The following GRIN2A variants were observed in gnomAD, a reference collection of about 807,000 sequenced individuals.
The protein encoded by GRIN2A is glutamate ionotropic receptor NMDA type subunit 2A.
In GRIN2A, 22 loss-of-function variants were observed where a neutral mutation model predicts 113.4. The ratio of observed to expected loss-of-function variants is 0.19; its 90% CI spans 0.14 to 0.28. The LOEUF (loss-of-function observed/expected upper bound fraction) is 0.28. Among genes scored for constraint, GRIN2A ranks in the 10% least tolerant of loss-of-function variants. The probability of loss-of-function intolerance (pLI) is 1.00; values close to 1 mark genes in which losing one functional copy is unlikely to be tolerated. For missense variants in GRIN2A, 1,502 were observed against 1,887.0 expected (o/e 0.80, Z 3.78); for synonymous variants, 827 against 738.4 (o/e 1.12, Z -1.94).
chr16:10,003,151 C>A (rs2141847430), intron 2 of GRIN2A, among the ~76,000 whole-genome samples: 1 of 152,288 alleles, frequency 6.6e-6, no homozygotes, highest in South Asian at 2.1e-4. Flanking sequence ...CTCCATCTGT[C>A]TTCCTACATG....
chr16:9,842,011 G>A (rs768415287), intron 5 of GRIN2A, among the ~76,000 whole-genome samples: 5 of 152,160 alleles, frequency 3.3e-5, no homozygotes, highest in Admixed American at 1.3e-4. Flanking sequence ...CAGCACTTTC[G>A]GAGGCTGTGG....
intron 10 of GRIN2A, among the ~76,000 whole-genome samples, chr16:9,803,802 C>A (rs1329054657): frequency 6.6e-6 from 1 of 152,140 alleles, no homozygotes; most frequent in African/African-American, 2.4e-5. Flanking sequence ...CAGTCTGACA[C>A]CAAAGACCAC....
intron 9 of GRIN2A, among the ~76,000 whole-genome samples, chr16:9,828,409 G>A (rs2042427253): frequency 6.6e-6 from 1 of 152,160 alleles, no homozygotes; most frequent in South Asian, 2.1e-4. Flanking sequence ...GTGTATCATG[G>A]ATAAGCTGTA....
chr16:9,773,186 T>C (rs573684217), intron 11 of GRIN2A, among the ~76,000 whole-genome samples: 3 of 152,376 alleles, frequency 2.0e-5, no homozygotes, highest in African/African-American at 7.2e-5. Flanking sequence ...CCATATTTTC[T>C]GTTTCTGTTT....
chr16:9,941,093 C>T (rs1042240977), intron 2 of GRIN2A, among the ~76,000 whole-genome samples: 2 of 152,208 alleles, frequency 1.3e-5, no homozygotes, highest in African/African-American at 4.8e-5. Flanking sequence ...GGTGGATCAG[C>T]ATCTTGCACT....
chr16:9,934,079 A>G (rs573160191), intron 3 of GRIN2A, among the ~76,000 whole-genome samples: 1 of 152,246 alleles, frequency 6.6e-6, no homozygotes, highest in Non-Finnish European at 1.5e-5. Flanking sequence ...CAGAACTTCT[A>G]CATTATCATT....
At chr16:10,031,215 A>T (rs2046922923) in intron 2 of GRIN2A, 1 of 152,170 alleles carries the variant, frequency 6.6e-6, no homozygotes. Context: ...CCTTCTCTGC[A>T]GCCACAATGA....
intron 2 of GRIN2A, among the ~76,000 whole-genome samples, chr16:10,082,904 A>G (rs553116240): frequency 6.6e-6 from 1 of 151,488 alleles, no homozygotes; most frequent in East Asian, 2.0e-4. Flanking sequence ...AAATAGAAAA[A>G]TCTTCAAAAC....
intron 2 of GRIN2A, among the ~76,000 whole-genome samples, chr16:9,982,673 T>C (rs1313621823): frequency 6.6e-6 from 1 of 152,230 alleles, no homozygotes; most frequent in Non-Finnish European, 1.5e-5. Context: ...TGCCCTGCAA[T>C]TAGTATCTTC....
At chr16:9,826,337 A>G (rs1171730713) in intron 9 of GRIN2A, among the ~76,000 whole-genome samples, 2 of 152,126 alleles carry the variant, frequency 1.3e-5, no homozygotes, top group Non-Finnish European at 2.9e-5. Context: ...AAGCATCCCT[A>G]TCAACATTGC....
intron 5 of GRIN2A, among the ~76,000 whole-genome samples, chr16:9,847,859 T>A (rs2042803186): frequency 6.8e-6 from 1 of 148,020 alleles, no homozygotes; most frequent in African/African-American, 2.4e-5. Flanking sequence ...TCAAAGAGGC[T>A]GACATTTGTG....
At chr16:9,875,635 G>C (rs1016327891) in intron 4 of GRIN2A, among the ~76,000 whole-genome samples, 2 of 152,184 alleles carry the variant, frequency 1.3e-5, no homozygotes, top group African/African-American at 4.8e-5. Context: ...AGCAGGCCCA[G>C]ACAGCAGCCA....
At chr16:10,115,609 A>G (rs1401541385) in intron 2 of GRIN2A, among the ~76,000 whole-genome samples, 1 of 152,208 alleles carries the variant, frequency 6.6e-6, no homozygotes, top group East Asian at 1.9e-4. Flanking sequence ...AGGCAACAGC[A>G]CCTGAATTTT....
intron 2 of GRIN2A, among the ~76,000 whole-genome samples, chr16:9,943,777 G>C (rs1420898372): frequency 6.6e-6 from 1 of 152,118 alleles, no homozygotes; most frequent in Non-Finnish European, 1.5e-5. Context: ...CTCATTCCTG[G>C]CTGCACATAT....
chr16:10,150,419 TG>T (rs773098770), intron 2 of GRIN2A, among the ~76,000 whole-genome samples: 1 of 152,198 alleles, frequency 6.6e-6, no homozygotes, highest in Admixed American at 6.5e-5. Flanking sequence ...CTTCTTGACC[TG>T]GTATCTCCTG....
At chr16:10,071,740 G>T (rs961104871) in intron 2 of GRIN2A, among the ~76,000 whole-genome samples, 1 of 152,170 alleles carries the variant, frequency 6.6e-6, no homozygotes, top group African/African-American at 2.4e-5. Flanking sequence ...TCACCAGTAT[G>T]GTCCCAAGCA....
chr16:9,762,569 C>G lies in GRIN2A; in HGVS notation c.*580G>C, dbSNP rs540880395. On this transcript the variant is annotated 3_prime_UTR_variant, in exon 13 of 13. Coordinates refer to ENST00000330684, the MANE Select transcript of GRIN2A (RefSeq NM_001134407.3). ...CTATTCTTTAGGGGAGCCTGGAGTT[C>G]TTGGGGTGAGCCTGGGCTGTGATGG... 1.4e-4 allele frequency: 32 copies of G among 231,932 alleles called. No individual in the cohort carries two copies. In the South Asian group the frequency reaches 5.3e-3, roughly 39 times the overall value. 14.4% of individuals were successfully genotyped at this position (231,932 alleles called of 1,614,324 possible). A position where few individuals can be genotyped will look rare whatever the true frequency, so the allele number is the denominator to read the frequency against.
At chr16:9,996,929 C>T (rs557293502) in intron 2 of GRIN2A, among the ~76,000 whole-genome samples, 80 of 152,202 alleles carry the variant, frequency 5.3e-4, no homozygotes, top group African/African-American at 1.8e-3. Context: ...TTATCTCTCA[C>T]ATATTAAGTA....
chr16:9,948,163 T>C (rs529826672), intron 2 of GRIN2A, among the ~76,000 whole-genome samples: 1 of 152,360 alleles, frequency 6.6e-6, no homozygotes, highest in East Asian at 1.9e-4. Flanking sequence ...CTTTCAGTCC[T>C]GGACAAATCA....
Sources: allele counts gnomAD v4.1 joint callset (sites outside exome capture counted in the v4.1 genomes callset), GRCh38; gene constraint gnomAD v4.1.1; transcripts MANE v1.5; gene names NCBI Gene and HGNC (gene_info 2026-07-23, HGNC 2026-07-21).